The following KIAA1217 variants were observed in gnomAD, a reference collection of about 807,000 sequenced individuals.
The protein encoded by KIAA1217 is sickle tail protein homolog.
KIAA1217 carries 88 observed loss-of-function variants against 163.9 expected under a neutral mutation model. The observed-to-expected ratio is 0.54, with a 90% CI of 0.45 to 0.64. The LOEUF (loss-of-function observed/expected upper bound fraction) is 0.64. KIAA1217 is among the 30% of genes least tolerant of loss of function. The pLI is 0.00. For missense variants in KIAA1217, 2,372 were observed against 2,475.0 expected, an observed-to-expected ratio of 0.96 and a Z score of 0.88; for synonymous variants, 903 against 923.1, an observed-to-expected ratio of 0.98 and a Z score of 0.39.
chr10:23,881,121 A>G (rs1840930985), intron 1 of KIAA1217, among the ~76,000 whole-genome samples: 1 of 151,964 alleles, frequency 6.6e-6, no homozygotes, highest in Admixed American at 6.6e-5. Flanking sequence ...TGCTGAAGCC[A>G]TGGTTCTAGT....
chr10:24,029,580 G>C (rs1411833501), intron 2 of KIAA1217, among the ~76,000 whole-genome samples: 1 of 152,140 alleles, frequency 6.6e-6, no homozygotes, highest in African/African-American at 2.4e-5. Flanking sequence ...TTACTAGCAA[G>C]GATTCTGAAG....
intron 2 of KIAA1217, among the ~76,000 whole-genome samples, chr10:24,196,286 G>C (rs1423216927): frequency 6.6e-6 from 1 of 152,192 alleles, no homozygotes; most frequent in Non-Finnish European, 1.5e-5. Flanking sequence ...AGTGTCTCTG[G>C]TCACAGTGCC....
In KIAA1217 at chr10:24,501,506, G is replaced by A. The variant is rs374935427; in HGVS notation, c.1962G>A (p.Ala654=). 26 of 1,613,626 alleles carry A rather than the reference G, an allele frequency of 1.6e-5. No homozygotes were observed. In the African/African-American group the frequency reaches 2.1e-4, roughly 13 times the overall value. ...MSLLEMRRSV[A]ELRLQLQQMR... The stretch of plus-strand genomic sequence containing the variant: ...TGCTTGAGATGAGGCGGAGCGTGGC[G>A]GAACTCAGGCTCCAGCTCCAGCAGA... Residue 654 remains alanine, a synonymous_variant, in exon 9 of 21, where the codon GCG becomes GCA. Coordinates refer to ENST00000376454, the MANE Select transcript of KIAA1217 (RefSeq NM_019590.5).
At chr10:23,886,236 G>C (rs980201044) in intron 1 of KIAA1217, among the ~76,000 whole-genome samples, 16 of 151,890 alleles carry the variant, frequency 1.1e-4, no homozygotes, top group African/African-American at 3.9e-4. Flanking sequence ...TCCTCTTATT[G>C]CTAACTGTGT....
At position 23,788,732 on chromosome 10, in the gene KIAA1217, A is replaced by G. The variant is rs114500442; in HGVS notation, c.-321+93498A>G. Among the ~76,000 whole-genome samples the G allele has an allele frequency of 7.0e-3, 1,072 of 152,344 alleles. 19 individuals are homozygous for G. Among genetic ancestry groups the G allele is most frequent in the African/African-American group, 0.025 (1,030 of 41,586 alleles). On this transcript the variant is annotated intron_variant, in intron 1 of 18. Coordinates refer to the KIAA1217 transcript ENST00000376462. ...ATTTACATGGCTAATCACCATGAGC[A>G]GCACTTGTCAGGCAGCTCTATCTGT...
chr10:24,489,231 A>G (rs1037207244), intron 6 of KIAA1217, among the ~76,000 whole-genome samples: 9 of 151,740 alleles, frequency 5.9e-5, no homozygotes, highest in African/African-American at 2.2e-4. Flanking sequence ...ACAGAGTGAG[A>G]CCTTGTCTCA....
chr10:24,186,674 T>A (rs1458321894), intron 2 of KIAA1217, among the ~76,000 whole-genome samples: 1 of 152,136 alleles, frequency 6.6e-6, no homozygotes, highest in African/African-American at 2.4e-5. Flanking sequence ...GCAGATCACC[T>A]GAGGTCAGGA....
intron 1 of KIAA1217, among the ~76,000 whole-genome samples, chr10:23,843,225 A>C (rs546326772): frequency 5.3e-5 from 8 of 152,302 alleles, no homozygotes; most frequent in African/African-American, 1.9e-4. Context: ...TATTCTTTGT[A>C]TTATTAAAAA....
chr10:23,863,835 C>T (rs1381175268), intron 1 of KIAA1217, among the ~76,000 whole-genome samples: 2 of 152,144 alleles, frequency 1.3e-5, no homozygotes, highest in Non-Finnish European at 2.9e-5. Context: ...CACATACACA[C>T]ACAGCTTTCC....
intron 1 of KIAA1217, among the ~76,000 whole-genome samples, chr10:23,823,926 A>T (rs1837744818): frequency 6.7e-6 from 1 of 150,368 alleles, no homozygotes; most frequent in Non-Finnish European, 1.5e-5. Flanking sequence ...GGAAGAAGAG[A>T]GGGGGGGAAA....
intron 2 of KIAA1217, among the ~76,000 whole-genome samples, chr10:24,177,774 G>A (rs1463650121): frequency 1.3e-5 from 2 of 152,074 alleles, no homozygotes; most frequent in East Asian, 3.9e-4. Flanking sequence ...CCAGTGAATA[G>A]TGCTGATGAG....
chr10:24,281,694 G>A (rs1340847551), intron 2 of KIAA1217, among the ~76,000 whole-genome samples: 3 of 151,966 alleles, frequency 2.0e-5, no homozygotes, highest in Non-Finnish European at 4.4e-5. Flanking sequence ...GTAGACTAGG[G>A]TTAATATGTT....
chr10:24,469,588 A>G (rs1036232350), intron 5 of KIAA1217, among the ~76,000 whole-genome samples: 2 of 152,166 alleles, frequency 1.3e-5, no homozygotes, highest in African/African-American at 4.8e-5. Context: ...TGTTGTTCAT[A>G]CCAAGAGGGT....
At chr10:23,936,762 C>A (rs1455858616) in intron 1 of KIAA1217, among the ~76,000 whole-genome samples, 2 of 152,212 alleles carry the variant, frequency 1.3e-5, no homozygotes, top group Non-Finnish European at 2.9e-5. Flanking sequence ...TAATACATTT[C>A]TGTTGTTTCA....
At chr10:24,340,280 G>A (rs977023597) in intron 2 of KIAA1217, among the ~76,000 whole-genome samples, 7 of 152,106 alleles carry the variant, frequency 4.6e-5, no homozygotes, top group Non-Finnish European at 1.0e-4. Flanking sequence ...GGAAGAACCC[G>A]GTGTGAGATA....
chr10:23,822,054 A>T (rs1459006731), intron 1 of KIAA1217, among the ~76,000 whole-genome samples: 1 of 152,184 alleles, frequency 6.6e-6, no homozygotes, highest in Non-Finnish European at 1.5e-5. Context: ...GAGCGGGTGC[A>T]GGCACCACAG....
chr10:23,987,363 C>T (rs1277810947), intron 1 of KIAA1217, among the ~76,000 whole-genome samples: 3 of 124,286 alleles, frequency 2.4e-5, no homozygotes, highest in South Asian at 2.7e-4. Flanking sequence ...GGCGACACAG[C>T]GAGACTCCAT....
At chr10:24,095,077 G>T (rs1234166027) in intron 2 of KIAA1217, among the ~76,000 whole-genome samples, 1 of 152,192 alleles carries the variant, frequency 6.6e-6, no homozygotes, top group Non-Finnish European at 1.5e-5. Context: ...CGTTTCCTAA[G>T]CCCGTCGGAA....
At chr10:24,283,834 G>T (rs2132280345) in intron 2 of KIAA1217, among the ~76,000 whole-genome samples, 1 of 151,902 alleles carries the variant, frequency 6.6e-6, no homozygotes, top group East Asian at 1.9e-4. Context: ...GTGTGTAGTA[G>T]TATCACATTG....
Sources: allele counts gnomAD v4.1 joint callset (sites outside exome capture counted in the v4.1 genomes callset), GRCh38; gene constraint gnomAD v4.1.1; transcripts MANE v1.5; gene names NCBI Gene and HGNC (gene_info 2026-07-23, HGNC 2026-07-21).